Variants in RALYL observed in about 807,000 individuals in gnomAD.
RALYL encodes RALY RNA binding protein like.
In RALYL, 29 loss-of-function variants were observed where a neutral mutation model predicts 35.1. The observed-to-expected ratio is 0.83, with a 90% CI of 0.61 to 1.13. The LOEUF (loss-of-function observed/expected upper bound fraction) is 1.13. RALYL is among the 50% of genes most tolerant of loss of function. RALYL has a pLI of 0.00. For synonymous variants in RALYL, 120 were observed against 127.6 expected (o/e 0.94, Z 0.40); for missense variants, 359 against 360.4 (o/e 1.00, Z 0.03).
chr8:84,483,913 T>C (rs991304472), intron 1 of RALYL, among the ~76,000 whole-genome samples: 6 of 152,164 alleles, frequency 3.9e-5, no homozygotes, highest in African/African-American at 1.4e-4. Context: ...TATGTTTAGC[T>C]CTCCTTTTGG....
At chr8:84,598,551 A>AT (rs922405337) in intron 2 of RALYL, among the ~76,000 whole-genome samples, 1 of 151,910 alleles carries the variant, frequency 6.6e-6, no homozygotes, top group Non-Finnish European at 1.5e-5. Context: ...AAAGGATCTC[A>AT]TTTTTTTTAA....
Position 84,870,728 on chromosome 8 carries a change from A to G in RALYL, c.572-2556A>G, listed in dbSNP as rs1259802232. Among the ~76,000 whole-genome samples, 4 of 152,248 alleles carry G rather than the reference A, an allele frequency of 2.6e-5. No individual in the cohort carries two copies. The East Asian group carries it at 7.7e-4, about 29-fold the overall frequency. ...AGAAGAGAGCTAGAAAGAGCAGTAC[A>G]TGAGAGATAGAGGAGGTTCATCCCA... is the stretch of plus-strand genomic sequence containing the variant. On this transcript the variant is annotated intron_variant, in intron 6 of 8. Coordinates refer to ENST00000521268, the MANE Select transcript of RALYL (RefSeq NM_173848.7).
rs1002150990 is a variant in RALYL, at chr8:84,461,760, A to G, written c.-23-67539A>G. On this transcript the variant is annotated intron_variant, in intron 1 of 8. Transcript: ENST00000521268. ...ATTCGATTTTTTGAAATAGCCTTCA[A>G]TTGAATGGTAGAAATGTGGAAACAT... Among the ~76,000 whole-genome samples the G allele has an allele frequency of 2.0e-4, 30 of 151,838 alleles. 2 individuals carry two copies. The highest frequency in any genetic ancestry group is 1.6e-3 in the Admixed American group (25 of 15,204).
chr8:84,270,553 C>CGT (rs34047869), intron 1 of RALYL, among the ~76,000 whole-genome samples: 15,473 of 146,982 alleles, frequency 0.11, 825 homozygotes, highest in Non-Finnish European at 0.11. Flanking sequence ...ACATGAAATT[C>CGT]GTGTGTGTGT....
At chr8:84,601,725 A>T (rs527906843) in intron 2 of RALYL, among the ~76,000 whole-genome samples, 1 of 152,222 alleles carries the variant, frequency 6.6e-6, no homozygotes. Flanking sequence ...GTTAGGAGAA[A>T]AAAAAACTAA....
chr8:84,297,246 C>T (rs557706904), intron 1 of RALYL, among the ~76,000 whole-genome samples: 14 of 152,010 alleles, frequency 9.2e-5, no homozygotes, highest in African/African-American at 3.1e-4. Context: ...TCTGTTGTCC[C>T]TTCTTTGTAT....
intron 1 of RALYL, among the ~76,000 whole-genome samples, chr8:84,469,747 C>A (rs896146232): frequency 6.6e-6 from 1 of 152,180 alleles, no homozygotes; most frequent in East Asian, 1.9e-4. Flanking sequence ...CCTAGCTGCC[C>A]CCTTGCAGTT....
At chr8:84,258,981 C>T (rs958976967) in intron 1 of RALYL, among the ~76,000 whole-genome samples, 8 of 152,208 alleles carry the variant, frequency 5.3e-5, no homozygotes, top group East Asian at 1.9e-4. Flanking sequence ...TTGATACTTG[C>T]GTCTGTCTCC....
intron 2 of RALYL, among the ~76,000 whole-genome samples, chr8:84,622,044 GTTAAAAC>G (rs1193188234): frequency 3.3e-5 from 5 of 152,114 alleles, no homozygotes; most frequent in African/African-American, 1.2e-4. Context: ...AAATGTTTCA[GTTAAAAC>G]TTTAAATGCA....
At chr8:84,852,864 G>T (rs767317777) in intron 5 of RALYL, among the ~76,000 whole-genome samples, 1 of 152,098 alleles carries the variant, frequency 6.6e-6, no homozygotes, top group South Asian at 2.1e-4. Flanking sequence ...GAGGAAGGAC[G>T]TGCCTGCCCT....
At chr8:84,795,787 C>T (rs1031823730) in intron 3 of RALYL, among the ~76,000 whole-genome samples, 2 of 152,232 alleles carry the variant, frequency 1.3e-5, no homozygotes, top group African/African-American at 4.8e-5. Flanking sequence ...ATGTTCCCAG[C>T]AGCCACCATC....
chr8:84,482,931 AT>A (rs959469022), intron 1 of RALYL, among the ~76,000 whole-genome samples: 4 of 152,108 alleles, frequency 2.6e-5, no homozygotes, highest in Non-Finnish European at 5.9e-5. Context: ...GGCACATTTG[AT>A]TTTGTGCCTA....
intron 1 of RALYL, among the ~76,000 whole-genome samples, chr8:84,193,411 C>T (rs573449517): frequency 6.6e-6 from 1 of 152,152 alleles, no homozygotes; most frequent in South Asian, 2.1e-4. Context: ...CTGGTTACGT[C>T]TCAGAAGAGG....
chr8:84,550,071 A>G (rs1167702698), intron 2 of RALYL, among the ~76,000 whole-genome samples: 1 of 152,112 alleles, frequency 6.6e-6, no homozygotes, highest in Non-Finnish European at 1.5e-5. Flanking sequence ...ATTTACCCAG[A>G]TAGCTACCCT....
chr8:84,769,645 C>G (rs572818665), intron 2 of RALYL, among the ~76,000 whole-genome samples: 1 of 152,060 alleles, frequency 6.6e-6, no homozygotes, highest in African/African-American at 2.4e-5. Flanking sequence ...ACTGCAATTC[C>G]AGCTACTTGG....
intron 7 of RALYL, among the ~76,000 whole-genome samples, chr8:84,881,476 T>C (rs1183266993): frequency 6.6e-6 from 1 of 151,954 alleles, no homozygotes; most frequent in Admixed American, 6.6e-5. Flanking sequence ...AAAACTTAAT[T>C]GCCAACTCAA....
chr8:84,392,247 GA>G (rs565459512), intron 1 of RALYL, among the ~76,000 whole-genome samples: 1 of 151,508 alleles, frequency 6.6e-6, no homozygotes, highest in African/African-American at 2.4e-5. Flanking sequence ...CTGCTCAAAG[GA>G]AAAAAAATCT....
chr8:84,240,778 A>T (rs1239870854), intron 1 of RALYL, among the ~76,000 whole-genome samples: 1 of 152,194 alleles, frequency 6.6e-6, no homozygotes. Context: ...AGATGTGATA[A>T]AAAGCTCAAA....
intron 2 of RALYL, among the ~76,000 whole-genome samples, chr8:84,580,722 A>G (rs2135964636): frequency 6.6e-6 from 1 of 152,350 alleles, no homozygotes; most frequent in Admixed American, 6.5e-5. Context: ...TCTTATTATG[A>G]ATATTGTTTA....
Sources: allele counts gnomAD v4.1 joint callset (sites outside exome capture counted in the v4.1 genomes callset), GRCh38; gene constraint gnomAD v4.1.1; transcripts MANE v1.5; gene names NCBI Gene and HGNC (gene_info 2026-07-23, HGNC 2026-07-21).